The following SMG1 variants were observed in gnomAD, a reference collection of about 807,000 sequenced individuals.
SMG1 encodes the protein serine/threonine-protein kinase SMG1.
SMG1 carries 22 observed loss-of-function variants against 419.9 expected under a neutral mutation model. That is an observed-to-expected ratio of 0.05 (90% confidence interval 0.04 to 0.07). The LOEUF is 0.07. Among genes scored for constraint, SMG1 ranks in the 10% least tolerant of loss-of-function variants. The pLI, the probability that SMG1 is intolerant of heterozygous loss-of-function variation, is 1.00. For missense variants in SMG1, 3,185 were observed against 4,342.0 expected (o/e 0.73, Z 7.49); for synonymous variants, 1,538 against 1,553.5 (o/e 0.99, Z 0.23).
At position 18,869,943 on chromosome 16, in the gene SMG1, G is replaced by C. The variant is rs2035725777; in HGVS notation, c.2544C>G (p.His848Gln). 1.3e-6 allele frequency: 2 copies of C among 1,528,936 alleles called. No homozygotes were observed. Among genetic ancestry groups the C allele is most frequent in the East Asian group, 4.5e-5 (2 of 44,218 alleles). 94.7% of individuals were successfully genotyped at this position (1,528,936 alleles called of 1,614,324 possible). Residue 848 changes from histidine to glutamine, a missense_variant, in exon 19 of 63, where the codon CAC becomes CAG. Transcript: ENST00000446231. ...IQEISLALRS[H>Q]MSKAPSNTFH... ...ATGTATTACTTGGTGCTTTACTCAT[G>C]TGACTTCTTAATGCTAAAGAAATTT...
intron 1 of SMG1, among the ~76,000 whole-genome samples, chr16:18,922,558 A>G (rs2038237206): frequency 6.6e-6 from 1 of 152,170 alleles, no homozygotes; most frequent in Non-Finnish European, 1.5e-5. Flanking sequence ...TCCGCCTCTC[A>G]GGTTCAAGTG....
intron 28 of SMG1, 148 bp downstream of exon 28, chr16:18,858,874 A>G (rs2035060057): frequency 1.6e-6 from 1 of 617,470 alleles, no homozygotes; most frequent in Non-Finnish European, 2.7e-6. Context: ...TCAAATGAAA[A>G]ACTGCCTGAA....
At chr16:18,865,236 G>A (rs1315418645) in intron 23 of SMG1, among the ~76,000 whole-genome samples, 1 of 152,050 alleles carries the variant, frequency 6.6e-6, no homozygotes, top group Non-Finnish European at 1.5e-5. Flanking sequence ...TCACTATATG[G>A]GGCAACTTCT....
At chr16:18,838,738 TC>T in intron 42 of SMG1, 49 bp from the exon 43 acceptor site, 4 of 1,247,776 alleles carry the variant, frequency 3.2e-6, no homozygotes, top group Non-Finnish European at 3.4e-6. Context: ...TTAAGAAATT[TC>T]CCTCCAACAT....
chr16:18,820,400 T>C lies in SMG1; in HGVS notation c.9742-746A>G, dbSNP rs2032418717. On this transcript the variant is annotated intron_variant, in intron 55 of 62. Transcript: ENST00000446231. ...TGTATTTTCTGTAGAGACGAGGTTT[T>C]ACTATGTTGCCCAGGCTGGTCTCAA... Among the ~76,000 whole-genome samples, 4 of 151,980 alleles carry C rather than the reference T, an allele frequency of 2.6e-5. No homozygotes were observed. In the South Asian group the frequency reaches 8.3e-4, roughly 32 times the overall value.
In SMG1 at chr16:18,830,375, G is replaced by A. The variant is rs764779462; in HGVS notation, c.8793-6C>T. 1.5e-5 allele frequency: 24 copies of A among 1,613,326 alleles called. No individual in the cohort carries two copies. In the Admixed American group the frequency reaches 2.5e-4, roughly 17 times the overall value. On this transcript the variant is annotated splice_polypyrimidine_tract_variant and splice_region_variant and intron_variant, in intron 51 of 62. Coordinates refer to ENST00000446231, the MANE Select transcript of SMG1 (RefSeq NM_015092.5). Reference sequence around the variant, plus strand: ...CGTACTGAGCATGTAGTAGTCTACAGAAAAACAAAAGGAGTTAAAACCTTC... The same window carrying A: ...CGTACTGAGCATGTAGTAGTCTACAAAAAAACAAAAGGAGTTAAAACCTTC...
chr16:18,832,873 TC>T, intron 51 of SMG1, 66 bp downstream of exon 51: 2 of 1,380,950 alleles, frequency 1.4e-6, no homozygotes, highest in South Asian at 2.3e-5. Context: ...GTTAAAGAGC[TC>T]AGAATCCCTT....
intron 56 of SMG1, 21 bp downstream of exon 56, chr16:18,819,466 AGTGAATACAAAGATG>A (rs771192627): frequency 1.3e-6 from 2 of 1,597,766 alleles, no homozygotes; most frequent in African/African-American, 2.7e-5. Flanking sequence ...ATCCTGTAAA[AGTGAATACAAAGATG>A]GTGCATGTAA....
At chr16:18,922,474 A>G (rs1465813336) in intron 1 of SMG1, among the ~76,000 whole-genome samples, 1 of 152,104 alleles carries the variant, frequency 6.6e-6, no homozygotes, top group Non-Finnish European at 1.5e-5. Context: ...CATTTGTTTA[A>G]CCATTCTTTG....
intron 10 of SMG1, among the ~76,000 whole-genome samples, chr16:18,881,079 C>A (rs773960817): frequency 6.7e-6 from 1 of 150,034 alleles, no homozygotes; most frequent in Admixed American, 6.6e-5. Flanking sequence ...GATTGCTCTA[C>A]TACACTCCAG....
At chr16:18,877,307 G>T (rs2036180663) in intron 11 of SMG1, 75 bp from the exon 12 acceptor site, 2 of 1,105,914 alleles carry the variant, frequency 1.8e-6, no homozygotes, top group Non-Finnish European at 2.6e-6. Flanking sequence ...AATGCACACT[G>T]ATAAGTGAAA....
intron 3 of SMG1, among the ~76,000 whole-genome samples, chr16:18,894,840 CAG>C (rs1394974438): frequency 2.0e-5 from 3 of 152,130 alleles, no homozygotes; most frequent in African/African-American, 4.8e-5. Context: ...TTTTTTGAGA[CAG>C]AGTCTCGCTC....
rs374422669 is a variant in SMG1 at position 18,828,028 on chromosome 16, C to T, written c.9741+3G>A. ...CCTGGAAGGAAGATCTGGCAAAACA[C>T]ACCTGAACTGTTGCAATAGAAGTTT... is the stretch of plus-strand genomic sequence containing the variant. On this transcript the variant is annotated splice_donor_region_variant and intron_variant, in intron 55 of 62. Coordinates refer to ENST00000446231, the MANE Select transcript of SMG1 (RefSeq NM_015092.5). 4.6e-4 allele frequency: 738 copies of T among 1,610,318 alleles called. 1 individual carries two copies. Among genetic ancestry groups the T allele is most frequent in the South Asian group, 5.7e-4 (52 of 90,486 alleles).
intron 54 of SMG1, among the ~76,000 whole-genome samples, chr16:18,828,637 A>T (rs1238592783): frequency 6.6e-6 from 1 of 152,256 alleles, no homozygotes; most frequent in Non-Finnish European, 1.5e-5. Flanking sequence ...TAAGGCATCA[A>T]GGAAAGAGAA....
In SMG1 at chr16:18,837,261, C is replaced by T. The variant is rs775855141; in HGVS notation, c.7596G>A (p.Leu2532=). Residue 2532 remains leucine, a synonymous_variant, in exon 46 of 63, where the codon CTG becomes CTA. Coordinates refer to ENST00000446231, the MANE Select transcript of SMG1 (RefSeq NM_015092.5). ...AEGVDHPSHT[L]QHRYSEHTQL... ...TCAACACTGTTTTAAACCTGTGTTGCAGAGTATGAGAAGGATGATCCACCC... is the reference window on the plus strand; with the variant it reads ...TCAACACTGTTTTAAACCTGTGTTGTAGAGTATGAGAAGGATGATCCACCC... 1.9e-6 allele frequency: 3 copies of T among 1,612,022 alleles called. No homozygotes were observed. In the South Asian group the frequency reaches 3.3e-5, roughly 18 times the overall value.
intron 40 of SMG1, 64 bp downstream of exon 40, chr16:18,842,144 A>T: frequency 6.6e-7 from 1 of 1,515,490 alleles, no homozygotes; most frequent in South Asian, 1.2e-5. Flanking sequence ...ACACACCCAC[A>T]CTCACACAAA....
intron 62 of SMG1, among the ~76,000 whole-genome samples, chr16:18,809,971 C>T (rs531759885): frequency 5.3e-5 from 8 of 150,216 alleles, no homozygotes; most frequent in African/African-American, 1.7e-4. Context: ...CTTGACAAAA[C>T]GGTTTCTTAA....
chr16:18,907,756 G>A (rs1277015207), intron 1 of SMG1, among the ~76,000 whole-genome samples: 1 of 149,260 alleles, frequency 6.7e-6, no homozygotes, highest in East Asian at 2.0e-4. Flanking sequence ...GGGGGCTGAG[G>A]CAGGAGAATC....
chr16:18,834,549 G>A lies in SMG1; in HGVS notation c.8331-111C>T, dbSNP rs538360032. The A allele has an allele frequency of 3.1e-5, 31 of 1,000,314 alleles. No individual in the cohort carries two copies. The Admixed American group carries it at 6.5e-4, about 21-fold the overall frequency. The allele number at this position is 1,000,314 out of a possible 1,614,324, so 62.0% of individuals were successfully genotyped here. A position where few individuals can be genotyped will look rare whatever the true frequency, so the allele number is the denominator to read the frequency against. On this transcript the variant is annotated intron_variant, in intron 49 of 62. Coordinates refer to ENST00000446231, the MANE Select transcript of SMG1 (RefSeq NM_015092.5). ...TCCAGCATTTTGGGAGGCCGAGGCA[G>A]GTAGATGACTTCAGGCCAGGAGTTC...
Sources: gnomAD v4.1 joint callset for allele counts (sites outside exome capture counted in the v4.1 genomes callset) on GRCh38, gnomAD v4.1.1 for gene constraint, MANE v1.5 for transcripts, NCBI Gene and HGNC (gene_info 2026-07-23, HGNC 2026-07-21) for gene names.